NARS2: variants seen among roughly 807,000 people sequenced by gnomAD.
NARS2 encodes asparaginyl-tRNA synthetase 2, mitochondrial.
Under a neutral mutation model 62.9 loss-of-function variants are expected in NARS2, and 60 were observed. The observed-to-expected ratio is 0.95, with a 90% CI of 0.77 to 1.18. NARS2 has a LOEUF of 1.18. Among genes scored for constraint, NARS2 ranks in the 50% most tolerant of loss-of-function variants. The pLI is 0.00. For synonymous variants in NARS2, 196 were observed against 200.0 expected, an observed-to-expected ratio of 0.98 and a Z score of 0.17; for missense variants, 619 against 576.4, an observed-to-expected ratio of 1.07 and a Z score of -0.76.
At chr11:78,522,558 G>A (rs1861169158) in intron 6 of NARS2, among the ~76,000 whole-genome samples, 2 of 151,890 alleles carry the variant, frequency 1.3e-5, no homozygotes. Flanking sequence ...ACTTACTAAG[G>A]TTAATAAGTG....
chr11:78,553,152 A>G (rs1856189617), intron 5 of NARS2, among the ~76,000 whole-genome samples: 1 of 151,804 alleles, frequency 6.6e-6, no homozygotes, highest in Admixed American at 6.6e-5. Context: ...ATCGCCACTG[A>G]CTGGTGTGAG....
intron 11 of NARS2, among the ~76,000 whole-genome samples, chr11:78,463,251 G>C (rs1303637963): frequency 6.6e-6 from 1 of 151,990 alleles, no homozygotes; most frequent in African/African-American, 2.4e-5. Flanking sequence ...GTTGAGATAG[G>C]GTCTTCCTAT....
At chr11:78,503,122 T>A (rs1860349454) in intron 6 of NARS2, among the ~76,000 whole-genome samples, 1 of 152,096 alleles carries the variant, frequency 6.6e-6, no homozygotes, top group South Asian at 2.1e-4. Flanking sequence ...AACTGAGGCT[T>A]AGACAAGTGA....
At chr11:78,463,602 C>T (rs1468719885) in intron 11 of NARS2, among the ~76,000 whole-genome samples, 1 of 148,224 alleles carries the variant, frequency 6.7e-6, no homozygotes, top group African/African-American at 2.5e-5. Context: ...AGGAAAATCA[C>T]TTGAACCTGG....
At chr11:78,439,862 A>G (rs1857522447) in intron 13 of NARS2, among the ~76,000 whole-genome samples, 1 of 152,172 alleles carries the variant, frequency 6.6e-6, no homozygotes, top group South Asian at 2.1e-4. Context: ...TATATATTGA[A>G]AAGTACTTGA....
At chr11:78,532,557 A>C (rs545177357) in intron 5 of NARS2, among the ~76,000 whole-genome samples, 3 of 152,366 alleles carry the variant, frequency 2.0e-5, no homozygotes, top group Admixed American at 2.0e-4. Context: ...GCCTTGAATA[A>C]AATGTGATTG....
intron 5 of NARS2, among the ~76,000 whole-genome samples, chr11:78,537,905 T>C (rs183721298): frequency 2.0e-5 from 3 of 152,358 alleles, no homozygotes; most frequent in Admixed American, 2.0e-4. Flanking sequence ...TAGTCTCCCC[T>C]TATCCACAGT....
chr11:78,509,192 A>C (rs1187552228), intron 6 of NARS2, among the ~76,000 whole-genome samples: 1 of 152,140 alleles, frequency 6.6e-6, no homozygotes, highest in Non-Finnish European at 1.5e-5. Flanking sequence ...AGATACATTC[A>C]AAGTGCTAAA....
intron 6 of NARS2, among the ~76,000 whole-genome samples, chr11:78,495,964 G>C (rs1369258864): frequency 6.6e-6 from 1 of 152,170 alleles, no homozygotes; most frequent in Non-Finnish European, 1.5e-5. Flanking sequence ...AGTGGTTAAT[G>C]ATTTTCCCTG....
At chr11:78,516,521 C>T (rs749864517) in intron 6 of NARS2, among the ~76,000 whole-genome samples, 16 of 152,180 alleles carry the variant, frequency 1.1e-4, no homozygotes, top group East Asian at 1.9e-4. Flanking sequence ...CCTAATTTCT[C>T]GTTTAATGCT....
At chr11:78,480,975 C>G (rs2135275208) in intron 7 of NARS2, among the ~76,000 whole-genome samples, 1 of 152,056 alleles carries the variant, frequency 6.6e-6, no homozygotes, top group Non-Finnish European at 1.5e-5. Context: ...TGTAGCACCA[C>G]ACCCAGGTAA....
chr11:78,453,005 A>T (rs1280857068), intron 11 of NARS2, among the ~76,000 whole-genome samples: 3 of 152,232 alleles, frequency 2.0e-5, no homozygotes, highest in Non-Finnish European at 4.4e-5. Flanking sequence ...TCTATCATTA[A>T]GGAATTCACT....
intron 11 of NARS2, among the ~76,000 whole-genome samples, chr11:78,446,014 C>T (rs1034517255): frequency 6.6e-6 from 1 of 152,044 alleles, no homozygotes; most frequent in Non-Finnish European, 1.5e-5. Context: ...ACTTTCCTGT[C>T]TTTTGGGCAG....
intron 5 of NARS2, among the ~76,000 whole-genome samples, chr11:78,541,153 T>A (rs974281654): frequency 6.6e-6 from 1 of 151,822 alleles, no homozygotes; most frequent in African/African-American, 2.4e-5. Context: ...ACAGTGAAAC[T>A]CCATCTCAAA....
At chr11:78,509,214 T>TA (rs1250162021) in intron 6 of NARS2, among the ~76,000 whole-genome samples, 1 of 150,948 alleles carries the variant, frequency 6.6e-6, no homozygotes, top group Non-Finnish European at 1.5e-5. Flanking sequence ...GAAATGTCAA[T>TA]AAAAAATCTT....
rs1857568033 is a variant in NARS2, at chr11:78,441,199, C to T, written c.1263-82G>A. 128 of 1,271,790 alleles carry T rather than the reference C, an allele frequency of 1.0e-4. 3 individuals carry two copies. The South Asian group carries it at 1.6e-3, about 16-fold the overall frequency. The allele number at this position is 1,271,790 out of a possible 1,614,324, so 78.8% of individuals were successfully genotyped here. A position where few individuals can be genotyped will look rare whatever the true frequency, so the allele number is the denominator to read the frequency against. On this transcript the variant is annotated intron_variant, in intron 12 of 13. Coordinates refer to ENST00000281038, the MANE Select transcript of NARS2 (RefSeq NM_024678.6). The stretch of plus-strand genomic sequence containing the variant: ...ACTAGACATTTATTCTGGGTGTGTG[C>T]AAAGAACTCTTTATGAAGAAGTAGA...
At chr11:78,502,864 T>C (rs1395098505) in intron 6 of NARS2, among the ~76,000 whole-genome samples, 1 of 151,694 alleles carries the variant, frequency 6.6e-6, no homozygotes, top group African/African-American at 2.4e-5. Context: ...CGTGGTGGCA[T>C]GCCACTGTAA....
intron 13 of NARS2, among the ~76,000 whole-genome samples, chr11:78,440,403 C>G (rs886282743): frequency 6.6e-6 from 1 of 151,820 alleles, no homozygotes. Flanking sequence ...AGCCCCATCT[C>G]TATCCCTCAA....
At chr11:78,475,765 T>G (rs184838687) in intron 9 of NARS2, among the ~76,000 whole-genome samples, 3 of 151,806 alleles carry the variant, frequency 2.0e-5, no homozygotes, top group Admixed American at 1.3e-4. Context: ...CCTGACTAAT[T>G]TATTTATTTA....
Sources: gnomAD v4.1 joint callset for allele counts (sites outside exome capture counted in the v4.1 genomes callset) on GRCh38, gnomAD v4.1.1 for gene constraint, MANE v1.5 for transcripts, NCBI Gene and HGNC (gene_info 2026-07-23, HGNC 2026-07-21) for gene names.